Variants in OTUD7B observed in about 807,000 individuals in gnomAD.
The protein encoded by OTUD7B is OTU domain-containing protein 7B.
In OTUD7B, 34 loss-of-function variants were observed where a neutral mutation model predicts 82.2. The ratio of observed to expected loss-of-function variants is 0.41; its 90% CI spans 0.31 to 0.55. The LOEUF (loss-of-function observed/expected upper bound fraction) is 0.55, where lower values mean the gene tolerates loss of function less well. OTUD7B is among the 20% of genes least tolerant of loss of function. The probability of loss-of-function intolerance (pLI) is 0.20; values close to 1 mark genes in which losing one functional copy is unlikely to be tolerated. For synonymous variants in OTUD7B, 398 were observed against 402.7 expected, an observed-to-expected ratio of 0.99 and a Z score of 0.14; for missense variants, 944 against 1,062.1, an observed-to-expected ratio of 0.89 and a Z score of 1.55.
intron 1 of OTUD7B, among the ~76,000 whole-genome samples, chr1:149,980,739 A>G (rs187745221): frequency 2.4e-4 from 36 of 152,242 alleles, no homozygotes; most frequent in Admixed American, 1.9e-3. Flanking sequence ...TGGGCTGGGC[A>G]CAGTGGCTCA....
chr1:150,025,523 T>C, the OTUD7B span, among the ~76,000 whole-genome samples: 1 of 152,210 alleles, frequency 6.6e-6, no homozygotes, highest in East Asian at 1.9e-4. Flanking sequence ...TCCAGAATTC[T>C]CTGTAGCCTC....
chr1:149,967,252 G>C (rs782438168), intron 4 of OTUD7B, 42 bp downstream of exon 4: 1 of 1,403,716 alleles, frequency 7.1e-7, no homozygotes, highest in East Asian at 2.3e-5. Context: ...CCTGTAGGTG[G>C]AGAGTAGAGG....
At chr1:149,957,703 C>T (rs782794602) in intron 7 of OTUD7B, among the ~76,000 whole-genome samples, 32 of 152,198 alleles carry the variant, frequency 2.1e-4, no homozygotes, top group Non-Finnish European at 2.8e-4. Context: ...GCTTCCCGGC[C>T]GCTTTGTTTA....
In OTUD7B at chr1:149,949,183, T is replaced by C. The variant is rs1647995360; in HGVS notation, c.1124-100A>G. ...AAAATCATACTAAGGTCTTTAATTG[T>C]AGTCACTTCTCAATTCTTACACGTG... is the stretch of plus-strand genomic sequence containing the variant. On this transcript the variant is annotated intron_variant, in intron 9 of 11. Coordinates refer to ENST00000581312, the MANE Select transcript of OTUD7B (RefSeq NM_020205.4). 5 of 713,926 alleles carry C rather than the reference T, an allele frequency of 7.0e-6. No homozygotes were observed. In the Admixed American group the frequency reaches 1.3e-4, roughly 18 times the overall value. The allele number at this position is 713,926 out of a possible 1,614,324, so 44.2% of individuals were successfully genotyped here. A position where few individuals can be genotyped will look rare whatever the true frequency, so the allele number is the denominator to read the frequency against.
the OTUD7B span, among the ~76,000 whole-genome samples, chr1:150,020,539 AAAAC>A: frequency 0.02 from 3,040 of 152,228 alleles, 87 homozygotes; most frequent in African/African-American, 0.067. Context: ...TCCATCTCAA[AAAAC>A]AAACAAACAA....
chr1:149,969,600 C>G (rs1553777265), intron 3 of OTUD7B, among the ~76,000 whole-genome samples: 1 of 152,134 alleles, frequency 6.6e-6, no homozygotes, highest in Non-Finnish European at 1.5e-5. Context: ...CGGTGAAACC[C>G]CATCTCCACT....
intron 1 of OTUD7B, among the ~76,000 whole-genome samples, chr1:149,994,674 G>A (rs782466475): frequency 7.3e-5 from 11 of 150,680 alleles, no homozygotes; most frequent in Non-Finnish European, 1.5e-4. Context: ...GCAGTGGCAC[G>A]ATCATAGCTC....
At chr1:150,042,174 C>T in the OTUD7B span, among the ~76,000 whole-genome samples, 3 of 127,016 alleles carry the variant, frequency 2.4e-5, no homozygotes, top group Non-Finnish European at 4.8e-5. Context: ...TTCCTTCCTC[C>T]CTCCCTTCCT....
the OTUD7B span, among the ~76,000 whole-genome samples, chr1:150,040,346 C>T: frequency 3.3e-5 from 5 of 152,242 alleles, no homozygotes; most frequent in Non-Finnish European, 4.4e-5. Context: ...TTAATATATG[C>T]CAGGCAGCTT....
chr1:150,025,138 G>T, the OTUD7B span, among the ~76,000 whole-genome samples: 1 of 151,154 alleles, frequency 6.6e-6, no homozygotes, highest in African/African-American at 2.4e-5. Context: ...ATAGGTCTCA[G>T]GGGCTGGGCG....
the OTUD7B span, among the ~76,000 whole-genome samples, chr1:150,055,948 C>G: frequency 2.0e-5 from 3 of 151,850 alleles, no homozygotes; most frequent in East Asian, 1.9e-4. Flanking sequence ...GGTTTAGTAC[C>G]CAGGTGGCTA....
chr1:149,959,903 C>G, intron 6 of OTUD7B, 107 bp from the exon 7 acceptor site: 2 of 714,446 alleles, frequency 2.8e-6, no homozygotes, highest in Non-Finnish European at 5.0e-6. Context: ...TCCCTTAGCA[C>G]TTGGTTTACA....
At chr1:149,950,306 A>G in intron 7 of OTUD7B, 85 bp from the exon 8 acceptor site, 1 of 1,356,378 alleles carries the variant, frequency 7.4e-7, no homozygotes, top group Non-Finnish European at 1.0e-6. Flanking sequence ...CCAGTTCTGC[A>G]GAAAGGGAAA....
the OTUD7B span, among the ~76,000 whole-genome samples, chr1:150,056,128 A>G: frequency 1.3e-5 from 2 of 152,138 alleles, no homozygotes; most frequent in Non-Finnish European, 2.9e-5. Flanking sequence ...AGGAATATGA[A>G]TTTTCTAGTA....
intron 7 of OTUD7B, among the ~76,000 whole-genome samples, chr1:149,956,820 T>C (rs926979023): frequency 1.4e-4 from 20 of 146,628 alleles, no homozygotes; most frequent in African/African-American, 2.5e-4. Context: ...TTCCACTTGA[T>C]TGAATCAGCT....
Position 149,951,001 on chromosome 1 carries a change from T to TTTTTTTTTTTTTTTTG in OTUD7B, c.846-781_846-780insCAAAAAAAAAAAAAAA, listed in dbSNP as rs1388877490. ...TATTTTTTTTTTTTTTTTTTTTTTGTAGATGGAGTCTCACTCTTTCGCCCA... is the reference window on the plus strand; with the variant it reads ...TATTTTTTTTTTTTTTTTTTTTTTGTTTTTTTTTTTTTTTTGAGATGGAGTCTCACTCTTTCGCCCA... On this transcript the variant is annotated intron_variant, in intron 7 of 11. Transcript: ENST00000581312. Among the ~76,000 whole-genome samples the TTTTTTTTTTTTTTTTG allele has an allele frequency of 7.8e-5, 5 of 63,722 alleles. 1 individual carries two copies. The highest frequency in any genetic ancestry group is 7.0e-5 in the African/African-American group (1 of 14,360). The allele number at this position is 63,722 out of a possible 152,430, so 41.8% of individuals were successfully genotyped here.
At chr1:150,038,205 A>C in the OTUD7B span, among the ~76,000 whole-genome samples, 3,276 of 152,080 alleles carry the variant, frequency 0.022, 104 homozygotes, top group African/African-American at 0.072. Context: ...GATTACTGAC[A>C]CATTTAAATG....
rs782231489 is a variant in OTUD7B, at chr1:149,948,978, C to G, written c.1229G>C (p.Arg410Pro). 1 of 1,608,450 alleles carries G rather than the reference C, an allele frequency of 6.2e-7. No individual in the cohort carries two copies. Among genetic ancestry groups the G allele is most frequent in the East Asian group, 2.2e-5 (1 of 44,862 alleles). The change falls in exon 10 of 12, where the codon CGA (arginine) becomes CCA (proline). Residue 410 changes from arginine (R) to proline (P), a missense_variant. Coordinates refer to ENST00000581312, the MANE Select transcript of OTUD7B (RefSeq NM_020205.4). ...EWGKDDSDNV[R>P]LASVILSLEV... ...ACTAGGCCTGGCTTACCTGGCCAAT[C>G]GGACATTGTCACTATCATCTTTGCC...
chr1:149,951,676 A>T (rs1310281292), intron 7 of OTUD7B, among the ~76,000 whole-genome samples: 3 of 152,106 alleles, frequency 2.0e-5, no homozygotes, highest in Non-Finnish European at 4.4e-5. Context: ...CCTCTGTCCA[A>T]CTCAACTGGA....
Sources: gnomAD v4.1 joint callset for allele counts (sites outside exome capture counted in the v4.1 genomes callset) on GRCh38, gnomAD v4.1.1 for gene constraint, MANE v1.5 for transcripts, NCBI Gene and HGNC (gene_info 2026-07-23, HGNC 2026-07-21) for gene names.